The following RUNDC3B variants were observed in gnomAD, a reference collection of about 807,000 sequenced individuals.
RUNDC3B encodes the protein RUN domain containing 3B, also known as RUN domain-containing protein 3B.
In RUNDC3B, 33 loss-of-function variants were observed where a neutral mutation model predicts 58.4. That is an observed-to-expected ratio of 0.56 (90% confidence interval 0.43 to 0.75). RUNDC3B has a LOEUF of 0.75. Among genes scored for constraint, RUNDC3B ranks in the 30% least tolerant of loss-of-function variants. The probability of loss-of-function intolerance (pLI) is 0.00; values close to 1 mark genes in which losing one functional copy is unlikely to be tolerated. For synonymous variants in RUNDC3B, 193 were observed against 195.2 expected, an observed-to-expected ratio of 0.99 and a Z score of 0.10; for missense variants, 501 against 535.7, an observed-to-expected ratio of 0.94 and a Z score of 0.64.
intron 2 of RUNDC3B, among the ~76,000 whole-genome samples, chr7:87,656,966 G>T (rs1450009040): frequency 6.6e-6 from 1 of 152,064 alleles, no homozygotes; most frequent in Non-Finnish European, 1.5e-5. Context: ...AAAAATCCCT[G>T]CCCTCATTCA....
At chr7:87,669,350 T>C (rs1825603752) in intron 2 of RUNDC3B, among the ~76,000 whole-genome samples, 1 of 152,202 alleles carries the variant, frequency 6.6e-6, no homozygotes, top group African/African-American at 2.4e-5. Context: ...TATCTCTTTA[T>C]TTTGAGCCTA....
At chr7:87,730,542 G>A (rs990381373) in intron 4 of RUNDC3B, among the ~76,000 whole-genome samples, 4 of 152,026 alleles carry the variant, frequency 2.6e-5, no homozygotes, top group African/African-American at 7.2e-5. Flanking sequence ...CTCAGCCACA[G>A]TAGAATAGAG....
chr7:87,736,431 T>C (rs1380191796), intron 4 of RUNDC3B, among the ~76,000 whole-genome samples: 1 of 152,134 alleles, frequency 6.6e-6, no homozygotes, highest in African/African-American at 2.4e-5. Flanking sequence ...TAGGAATATA[T>C]TTCAATTAGA....
chr7:87,636,334 A>G (rs530680650), intron 1 of RUNDC3B, among the ~76,000 whole-genome samples: 9 of 152,330 alleles, frequency 5.9e-5, no homozygotes, highest in African/African-American at 1.9e-4. Flanking sequence ...AATGAAGTCA[A>G]GCACCTTTCC....
intron 6 of RUNDC3B, among the ~76,000 whole-genome samples, chr7:87,761,669 A>G (rs989483617): frequency 7.2e-5 from 11 of 152,064 alleles, no homozygotes; most frequent in Non-Finnish European, 1.3e-4. Flanking sequence ...ACCTACCACA[A>G]CATGGATAAA....
chr7:87,694,935 G>A (rs1238550134), intron 2 of RUNDC3B, among the ~76,000 whole-genome samples: 2 of 152,054 alleles, frequency 1.3e-5, no homozygotes. Flanking sequence ...TTAGATATTT[G>A]TATATGTTTG....
At chr7:87,703,885 C>CTTTTTTTTTTTTTTTTTTGTTTTTTT (rs1829310290) in intron 3 of RUNDC3B, among the ~76,000 whole-genome samples, 1 of 60,282 alleles carries the variant, frequency 1.7e-5, no homozygotes, top group African/African-American at 6.3e-5. Flanking sequence ...TCAGTTTTTT[C>CTTTTTTTTTTTTTTTTTTGTTTTTTT]TTTTTTTTTT....
intron 3 of RUNDC3B, among the ~76,000 whole-genome samples, chr7:87,705,682 C>T (rs1829520258): frequency 6.6e-6 from 1 of 152,152 alleles, no homozygotes; most frequent in Admixed American, 6.5e-5. Flanking sequence ...AGAATCAGCA[C>T]TCTTAGAAAA....
intron 6 of RUNDC3B, among the ~76,000 whole-genome samples, chr7:87,746,235 G>A (rs556074371): frequency 1.5e-4 from 23 of 152,160 alleles, no homozygotes; most frequent in Non-Finnish European, 2.4e-4. Flanking sequence ...GGTCTATCTT[G>A]GAGAAAGTTC....
In RUNDC3B at chr7:87,719,648, A is replaced by G. The variant is rs553614193; in HGVS notation, c.458+8993A>G. Reference sequence around the variant, plus strand: ...AGTGAAATAGGATAAAGAAGTAGTTATATAATAGAAATAAATGCAAGTAAA... The same window carrying G: ...AGTGAAATAGGATAAAGAAGTAGTTGTATAATAGAAATAAATGCAAGTAAA... On this transcript the variant is annotated intron_variant, in intron 4 of 10. Coordinates refer to ENST00000394654, the MANE Select transcript of RUNDC3B (RefSeq NM_001134405.2). Among the ~76,000 whole-genome samples, 31 of 152,000 alleles carry G rather than the reference A, an allele frequency of 2.0e-4. 1 individual carries two copies. In the South Asian group the frequency reaches 6.4e-3, roughly 32 times the overall value.
intron 6 of RUNDC3B, among the ~76,000 whole-genome samples, chr7:87,743,018 G>A (rs955577089): frequency 2.6e-5 from 4 of 152,036 alleles, no homozygotes; most frequent in Non-Finnish European, 4.4e-5. Flanking sequence ...GGAGGCTGAG[G>A]CAGGAGAATG....
intron 8 of RUNDC3B, among the ~76,000 whole-genome samples, chr7:87,797,632 T>C (rs1242432890): frequency 6.6e-6 from 1 of 152,192 alleles, no homozygotes; most frequent in Non-Finnish European, 1.5e-5. Context: ...TTCATACTTA[T>C]TGTCTGGAAT....
chr7:87,822,116 G>C (rs970138207), intron 10 of RUNDC3B, among the ~76,000 whole-genome samples: 3 of 152,124 alleles, frequency 2.0e-5, no homozygotes, highest in Non-Finnish European at 4.4e-5. Flanking sequence ...CCTACAAAAT[G>C]GGAGAAAATT....
intron 1 of RUNDC3B, among the ~76,000 whole-genome samples, chr7:87,645,168 G>A (rs1005265396): frequency 4.7e-5 from 7 of 148,702 alleles, no homozygotes; most frequent in Non-Finnish European, 8.9e-5. Context: ...CTGCAACCTC[G>A]ACCTCCTGGG....
chr7:87,731,141 A>G (rs2130793770), intron 4 of RUNDC3B, among the ~76,000 whole-genome samples: 1 of 152,246 alleles, frequency 6.6e-6, no homozygotes, highest in Admixed American at 6.5e-5. Flanking sequence ...CAAAAATTAC[A>G]ATCAATATCT....
At chr7:87,786,993 T>C (rs1835255562) in intron 8 of RUNDC3B, among the ~76,000 whole-genome samples, 1 of 152,166 alleles carries the variant, frequency 6.6e-6, no homozygotes, top group South Asian at 2.1e-4. Flanking sequence ...ACTATTTTCT[T>C]GAGTTGAGAG....
At chr7:87,716,000 A>T (rs1391008483) in intron 4 of RUNDC3B, among the ~76,000 whole-genome samples, 1 of 152,200 alleles carries the variant, frequency 6.6e-6, no homozygotes, top group Non-Finnish European at 1.5e-5. Flanking sequence ...ATTTGCAAAG[A>T]GGAAGAGTAG....
At chr7:87,644,719 A>G (rs1485597438) in intron 1 of RUNDC3B, among the ~76,000 whole-genome samples, 1 of 152,060 alleles carries the variant, frequency 6.6e-6, no homozygotes, top group Non-Finnish European at 1.5e-5. Flanking sequence ...GTAAAGGGAT[A>G]GGAATATAAT....
intron 2 of RUNDC3B, among the ~76,000 whole-genome samples, chr7:87,679,974 C>T (rs1826762878): frequency 6.7e-6 from 1 of 150,254 alleles, no homozygotes; most frequent in Non-Finnish European, 1.5e-5. Flanking sequence ...TTTGCTGCAC[C>T]CATCAACCTG....
Sources: gnomAD v4.1 joint callset for allele counts (sites outside exome capture counted in the v4.1 genomes callset) on GRCh38, gnomAD v4.1.1 for gene constraint, MANE v1.5 for transcripts, NCBI Gene and HGNC (gene_info 2026-07-23, HGNC 2026-07-21) for gene names.